The following TMEM132D variants were observed in gnomAD, a reference collection of about 807,000 sequenced individuals.
The protein encoded by TMEM132D is mature OL transmembrane protein.
In TMEM132D, 21 loss-of-function variants were observed where a neutral mutation model predicts 62.3. That is an observed-to-expected ratio of 0.34 (90% CI 0.24 to 0.49). The LOEUF is 0.49. Ranked by LOEUF, TMEM132D falls within the 20% of genes least tolerant of loss-of-function variation. TMEM132D has a pLI of 0.99. For missense variants in TMEM132D, 1,346 were observed against 1,402.8 expected, an observed-to-expected ratio of 0.96 and a Z score of 0.65; for synonymous variants, 621 against 575.6, an observed-to-expected ratio of 1.08 and a Z score of -1.13.
chr12:129,870,220 A>G (rs1255710084), intron 1 of TMEM132D, among the ~76,000 whole-genome samples: 4 of 152,192 alleles, frequency 2.6e-5, no homozygotes, highest in Admixed American at 2.6e-4. Context: ...TGGGCTCAAG[A>G]GATCCACCCA....
Position 129,337,643 on chromosome 12 carries a change from C to T in TMEM132D, c.1290G>A (p.Pro430=), listed in dbSNP as rs1396291659. 6.2e-7 allele frequency: 1 copy of T among 1,613,600 alleles called. No homozygotes were observed. The highest frequency in any genetic ancestry group is 8.5e-7 in the Non-Finnish European group (1 of 1,179,772). The change falls in exon 4 of 9, where the codon CCG becomes CCA. Residue 430 remains proline (P), a synonymous_variant. Coordinates refer to ENST00000422113, the MANE Select transcript of TMEM132D (RefSeq NM_133448.3). Reference sequence around the variant, plus strand: ...GGCGGGGCTTGCTTACCATAGCCAGCGGCACAACTCCAATCAAGTCCTTTG... The same window carrying T: ...GGCGGGGCTTGCTTACCATAGCCAGTGGCACAACTCCAATCAAGTCCTTTG... ...VSPKDLIGVV[P]LAMEAEILNT... is the part of the protein sequence containing the mutation.
At chr12:129,599,764 C>T (rs1317389307) in intron 2 of TMEM132D, among the ~76,000 whole-genome samples, 1 of 152,196 alleles carries the variant, frequency 6.6e-6, no homozygotes, top group African/African-American at 2.4e-5. Flanking sequence ...TTACACAATG[C>T]TGTTGTCTAG....
At chr12:129,342,105 C>A (rs1181996816) in intron 3 of TMEM132D, among the ~76,000 whole-genome samples, 1 of 152,036 alleles carries the variant, frequency 6.6e-6, no homozygotes, top group Non-Finnish European at 1.5e-5. Flanking sequence ...CAAAAAAGAG[C>A]CAGCATCGCC....
intron 1 of TMEM132D, among the ~76,000 whole-genome samples, chr12:129,790,246 T>C (rs1360683383): frequency 1.3e-5 from 2 of 152,222 alleles, no homozygotes; most frequent in Non-Finnish European, 2.9e-5. Flanking sequence ...TACAGCTCTT[T>C]TAGCTTTGCC....
At chr12:129,815,586 G>A (rs1281857834) in intron 1 of TMEM132D, among the ~76,000 whole-genome samples, 1 of 152,134 alleles carries the variant, frequency 6.6e-6, no homozygotes, top group Non-Finnish European at 1.5e-5. Context: ...ACCATTGCAA[G>A]CACATCTTTT....
At chr12:129,683,439 A>C (rs1880833727) in intron 2 of TMEM132D, among the ~76,000 whole-genome samples, 1 of 152,222 alleles carries the variant, frequency 6.6e-6, no homozygotes, top group Non-Finnish European at 1.5e-5. Context: ...ACAAATAGAT[A>C]TTTAATGAGT....
intron 5 of TMEM132D, among the ~76,000 whole-genome samples, chr12:129,103,781 C>T (rs985442149): frequency 3.3e-5 from 5 of 151,996 alleles, no homozygotes; most frequent in Non-Finnish European, 7.4e-5. Context: ...TGAGTGAACT[C>T]CCATTCACAA....
intron 3 of TMEM132D, among the ~76,000 whole-genome samples, chr12:129,449,915 C>A (rs1593013597): frequency 6.6e-6 from 1 of 152,162 alleles, no homozygotes; most frequent in African/African-American, 2.4e-5. Flanking sequence ...TTTTCAAAAA[C>A]AATTTTGACT....
At chr12:129,483,682 C>T (rs1006240332) in intron 3 of TMEM132D, among the ~76,000 whole-genome samples, 3 of 152,288 alleles carry the variant, frequency 2.0e-5, no homozygotes, top group Admixed American at 6.5e-5. Context: ...TGAAACGAAA[C>T]GTGTGGCTTC....
At chr12:129,470,394 T>C (rs1014423775) in intron 3 of TMEM132D, among the ~76,000 whole-genome samples, 1 of 152,184 alleles carries the variant, frequency 6.6e-6, no homozygotes, top group Non-Finnish European at 1.5e-5. Context: ...TAGTGTAGTT[T>C]ATGTAAGAGA....
chr12:129,792,748 G>GT (rs1271754833), intron 1 of TMEM132D, among the ~76,000 whole-genome samples: 1 of 152,198 alleles, frequency 6.6e-6, no homozygotes, highest in Non-Finnish European at 1.5e-5. Context: ...TCTTTAAGAA[G>GT]TAAGTTTAAG....
intron 1 of TMEM132D, among the ~76,000 whole-genome samples, chr12:129,748,283 GAAAAGAGGGAGTCAA>G (rs11269186): frequency 0.47 from 71,214 of 151,530 alleles, 17,257 homozygotes; most frequent in Middle Eastern, 0.56. Context: ...TCTGGGGGAG[GAAAAGAGGGAGTCAA>G]AAGCATGAAG....
intron 1 of TMEM132D, among the ~76,000 whole-genome samples, chr12:129,755,569 C>A (rs1487992495): frequency 6.6e-6 from 1 of 152,124 alleles, no homozygotes; most frequent in Non-Finnish European, 1.5e-5. Context: ...ATTGGTGCCA[C>A]CAAAACTCAT....
rs185099591 is a variant in TMEM132D, at chr12:129,464,673, T to C, written c.1115+66386A>G. Among the ~76,000 whole-genome samples, 7 of 152,340 alleles carry C rather than the reference T, an allele frequency of 4.6e-5. No homozygotes were observed. In the East Asian group the frequency reaches 1.3e-3, roughly 29 times the overall value. On this transcript the variant is annotated intron_variant, in intron 3 of 8. Coordinates refer to ENST00000422113, the MANE Select transcript of TMEM132D (RefSeq NM_133448.3). ...ATAAGGTGTAAGGAAGGGATCCAGT[T>C]TCAGCTTCCTACATATGGCTAGCCA...
At chr12:129,848,622 C>A (rs1873439579) in intron 1 of TMEM132D, among the ~76,000 whole-genome samples, 12 of 152,166 alleles carry the variant, frequency 7.9e-5, no homozygotes, top group Admixed American at 7.9e-4. Context: ...ATTTTCTGTT[C>A]AGGAAAATGT....
chr12:129,850,487 C>G (rs1029545525), intron 1 of TMEM132D, among the ~76,000 whole-genome samples: 4 of 152,212 alleles, frequency 2.6e-5, no homozygotes, highest in Non-Finnish European at 5.9e-5. Flanking sequence ...AAGGCGACAT[C>G]AAGATTCCTC....
intron 1 of TMEM132D, among the ~76,000 whole-genome samples, chr12:129,860,339 T>C (rs999635378): frequency 2.0e-5 from 3 of 152,222 alleles, no homozygotes; most frequent in African/African-American, 7.2e-5. Flanking sequence ...TACCATTTAC[T>C]ATTGATCAGG....
chr12:129,590,388 C>T (rs190547163), intron 2 of TMEM132D, among the ~76,000 whole-genome samples: 2 of 152,364 alleles, frequency 1.3e-5, no homozygotes, highest in Non-Finnish European at 1.5e-5. Context: ...AATCACCATG[C>T]AAGGCGCTTC....
intron 3 of TMEM132D, among the ~76,000 whole-genome samples, chr12:129,444,616 C>T (rs997637262): frequency 2.6e-5 from 4 of 152,152 alleles, no homozygotes; most frequent in South Asian, 2.1e-4. Flanking sequence ...TCCCCCTCCC[C>T]ACCCTCCTCT....
Sources: allele counts gnomAD v4.1 joint callset (sites outside exome capture counted in the v4.1 genomes callset), GRCh38; gene constraint gnomAD v4.1.1; transcripts MANE v1.5; gene names NCBI Gene and HGNC (gene_info 2026-07-23, HGNC 2026-07-21).